KLF3: variants seen among roughly 807,000 people sequenced by gnomAD.
KLF3 encodes KLF transcription factor 3, also known as Krueppel-like factor 3.
Under a neutral mutation model 32.7 loss-of-function variants are expected in KLF3, and 6 were observed. The observed-to-expected ratio is 0.18, with a 90% CI of 0.10 to 0.36. The LOEUF (loss-of-function observed/expected upper bound fraction) is 0.36, where lower values mean the gene tolerates loss of function less well. Ranked by LOEUF, KLF3 falls within the 10% of genes least tolerant of loss-of-function variation. KLF3 has a pLI of 1.00. For synonymous variants in KLF3, 145 were observed against 172.8 expected, an observed-to-expected ratio of 0.84 and a Z score of 1.26; for missense variants, 338 against 449.7, an observed-to-expected ratio of 0.75 and a Z score of 2.25.
chr4:38,675,925 A>G (rs973325335), intron 1 of KLF3, among the ~76,000 whole-genome samples: 5 of 152,218 alleles, frequency 3.3e-5, no homozygotes, highest in African/African-American at 1.2e-4. Flanking sequence ...AAGACTGTAC[A>G]GTCACTCTTT....
intron 2 of KLF3, among the ~76,000 whole-genome samples, chr4:38,687,096 A>G (rs1427494672): frequency 6.6e-6 from 1 of 152,244 alleles, no homozygotes; most frequent in African/African-American, 2.4e-5. Flanking sequence ...GTTTAATTAC[A>G]AGGCACCATT....
In KLF3 at chr4:38,674,882, A is replaced by G. The variant is rs1722296800; in HGVS notation, c.-39-5705A>G. Among the ~76,000 whole-genome samples, 1 of 152,202 alleles carries G rather than the reference A, an allele frequency of 6.6e-6. No individual in the cohort carries two copies. Among genetic ancestry groups the G allele is most frequent in the African/African-American group, 2.4e-5 (1 of 41,452 alleles). ...TGTAAGGTCGTTTCTGTAATAAATCATGCTCTAGCCTCCAGGCAAGCTGCT... is the reference window on the plus strand; with the variant it reads ...TGTAAGGTCGTTTCTGTAATAAATCGTGCTCTAGCCTCCAGGCAAGCTGCT... On this transcript the variant is annotated intron_variant, in intron 1 of 5. Coordinates refer to ENST00000261438, the MANE Select transcript of KLF3 (RefSeq NM_016531.6). The surrounding 1 kb of genome is among the most constrained non-coding windows in gnomAD (Gnocchi z 4.1).
chr4:38,695,409 T>C (rs1480722514), intron 5 of KLF3, among the ~76,000 whole-genome samples: 2 of 152,238 alleles, frequency 1.3e-5, no homozygotes. Context: ...GGAACTCTTA[T>C]GCCGTTGCCT....
At chr4:38,680,378 T>C (rs1258114451) in intron 1 of KLF3, among the ~76,000 whole-genome samples, 2 of 151,976 alleles carry the variant, frequency 1.3e-5, no homozygotes, top group Non-Finnish European at 2.9e-5. Context: ...CACGCCCAGC[T>C]AATTTTTGCA....
intron 1 of KLF3, among the ~76,000 whole-genome samples, chr4:38,666,275 G>A (rs1722036921): frequency 6.6e-6 from 1 of 152,138 alleles, no homozygotes; most frequent in Non-Finnish European, 1.5e-5. Flanking sequence ...GGTACAAAAC[G>A]ACAACAGAGT....
chr4:38,676,540 G>GT (rs1303842935), intron 1 of KLF3, among the ~76,000 whole-genome samples: 5 of 152,326 alleles, frequency 3.3e-5, no homozygotes, highest in African/African-American at 1.2e-4. Flanking sequence ...CCTGTTAACA[G>GT]TTTCGGGTGT....
At chr4:38,673,713 G>T (rs1359870514) in intron 1 of KLF3, among the ~76,000 whole-genome samples, 1 of 152,084 alleles carries the variant, frequency 6.6e-6, no homozygotes, top group Non-Finnish European at 1.5e-5. Context: ...GCCTCAGTTT[G>T]GAAACTTGTC....
chr4:38,694,817 A>G lies in KLF3; in HGVS notation c.767A>G (p.Lys256Arg), dbSNP rs768335434. The G allele has an allele frequency of 6.2e-7, 1 of 1,607,710 alleles. No individual in the cohort carries two copies. The highest frequency in any genetic ancestry group is 8.5e-7 in the Non-Finnish European group (1 of 1,177,922). The change falls in exon 5 of 6, where the codon AAG becomes AGG. Residue 256 changes from lysine to arginine, a missense_variant. This residue lies in a region of KLF3 where 66 missense variants were observed against 136.2 expected (regional missense o/e 0.48). Coordinates refer to ENST00000261438, the MANE Select transcript of KLF3 (RefSeq NM_016531.6). ...LPVESPDTQR[K>R]RRIHRCDYDG... Reference sequence around the variant, plus strand: ...GTGGAATCCCCGGATACTCAAAGGAAGCGGAGGATACACAGATGTGATTAT... The same window carrying G: ...GTGGAATCCCCGGATACTCAAAGGAGGCGGAGGATACACAGATGTGATTAT...
chr4:38,684,821 G>C (rs1190448422), intron 2 of KLF3, among the ~76,000 whole-genome samples: 1 of 152,090 alleles, frequency 6.6e-6, no homozygotes, highest in Non-Finnish European at 1.5e-5. Context: ...CTCTCCAAGT[G>C]CTGGAGTTAA....
At chr4:38,667,323 C>T (rs1445557372) in intron 1 of KLF3, among the ~76,000 whole-genome samples, 1 of 152,178 alleles carries the variant, frequency 6.6e-6, no homozygotes, top group African/African-American at 2.4e-5. Context: ...TATGTGTGCT[C>T]TTTCCTGTTT....
chr4:38,670,938 G>A (rs1365950541), intron 1 of KLF3, among the ~76,000 whole-genome samples: 1 of 152,206 alleles, frequency 6.6e-6, no homozygotes, highest in African/African-American at 2.4e-5. Flanking sequence ...GCCATAGGAT[G>A]GAGTAGATCT....
intron 2 of KLF3, among the ~76,000 whole-genome samples, chr4:38,686,884 T>G (rs1722718760): frequency 6.6e-6 from 1 of 152,234 alleles, no homozygotes; most frequent in Non-Finnish European, 1.5e-5. Context: ...GAGCAGGGAC[T>G]GGGCATCTGG....
chr4:38,689,150 A>G lies in KLF3; in HGVS notation c.544+79A>G, dbSNP rs1722798509. The G allele has an allele frequency of 5.2e-6, 8 of 1,548,102 alleles. No individual in the cohort carries two copies. The Admixed American group carries it at 1.2e-4, about 24-fold the overall frequency. ...CACCAGATGGGGTGGGTGAGGAAGCATGGGGGCAAGAGCTGTTGAACTCTT... is the reference window on the plus strand; with the variant it reads ...CACCAGATGGGGTGGGTGAGGAAGCGTGGGGGCAAGAGCTGTTGAACTCTT... On this transcript the variant is annotated intron_variant, in intron 3 of 5. Coordinates refer to ENST00000261438, the MANE Select transcript of KLF3 (RefSeq NM_016531.6).
intron 1 of KLF3, among the ~76,000 whole-genome samples, chr4:38,665,052 A>G (rs1218951701): frequency 1.3e-5 from 2 of 150,710 alleles, no homozygotes; most frequent in African/African-American, 4.9e-5. Flanking sequence ...CGCCACAGCA[A>G]ACTTGGAGCA....
At chr4:38,667,226 CTG>C (rs1484055202) in intron 1 of KLF3, among the ~76,000 whole-genome samples, 1 of 152,232 alleles carries the variant, frequency 6.6e-6, no homozygotes, top group East Asian at 1.9e-4. Context: ...AAATGTTTCT[CTG>C]TGCTTTCTCT....
chr4:38,666,661 A>G (rs1006269321), intron 1 of KLF3, among the ~76,000 whole-genome samples: 2 of 152,264 alleles, frequency 1.3e-5, no homozygotes, highest in Non-Finnish European at 2.9e-5. Context: ...GCGAATTTCT[A>G]TAAACGTGTG....
intron 1 of KLF3, among the ~76,000 whole-genome samples, chr4:38,665,199 A>C (rs1013285928): frequency 6.6e-6 from 1 of 152,006 alleles, no homozygotes; most frequent in African/African-American, 2.4e-5. Flanking sequence ...GGGTTTGGAG[A>C]GTCTTCCTGG....
intron 4 of KLF3, among the ~76,000 whole-genome samples, chr4:38,691,544 T>A (rs2109254352): frequency 6.6e-6 from 1 of 152,318 alleles, no homozygotes; most frequent in African/African-American, 2.4e-5. Flanking sequence ...TCTGGGTTAT[T>A]ATGAGTTGCA....
At chr4:38,683,877 CAG>C (rs964381445) in intron 2 of KLF3, among the ~76,000 whole-genome samples, 5 of 152,166 alleles carry the variant, frequency 3.3e-5, no homozygotes, top group Non-Finnish European at 7.4e-5. Context: ...TCTTTTCTAA[CAG>C]AAACTTTTCA....
Sources: gnomAD v4.1 joint callset for allele counts (sites outside exome capture counted in the v4.1 genomes callset) on GRCh38, gnomAD v4.1.1 for gene constraint, gnomAD v4.1.1 regional missense constraint, Gnocchi (gnomAD v3.1) non-coding constraint, MANE v1.5 for transcripts, NCBI Gene and HGNC (gene_info 2026-07-23, HGNC 2026-07-21) for gene names.